The following ELL2 variants were observed in gnomAD, a reference collection of about 807,000 sequenced individuals.
The protein encoded by ELL2 is RNA polymerase II elongation factor ELL2.
ELL2 carries 21 observed loss-of-function variants against 72.8 expected under a neutral mutation model. The observed-to-expected ratio is 0.29, with a 90% confidence interval of 0.20 to 0.42. ELL2 has a LOEUF of 0.42. ELL2 is among the 10% of genes least tolerant of loss of function. The probability of loss-of-function intolerance (pLI) is 1.00; values close to 1 mark genes in which losing one functional copy is unlikely to be tolerated. For synonymous variants in ELL2, 266 were observed against 283.2 expected (o/e 0.94, Z 0.61); for missense variants, 568 against 772.8 (o/e 0.73, Z 3.14).
Position 95,895,617 on chromosome 5 carries a change from T to C in ELL2, c.1589+11A>G. On this transcript the variant is annotated intron_variant, in intron 9 of 11. Coordinates refer to ENST00000237853, the MANE Select transcript of ELL2 (RefSeq NM_012081.6). ...AAGCCGCTCTCTCCATTGGCAGACA[T>C]ATGAACTTACATCAAATAATCTGGG... is the stretch of plus-strand genomic sequence containing the variant. The C allele has an allele frequency of 1.2e-6, 2 of 1,612,644 alleles. No individual in the cohort carries two copies. Among genetic ancestry groups the C allele is most frequent in the Non-Finnish European group, 8.5e-7 (1 of 1,178,682 alleles).
At chr5:95,951,384 T>TA (rs926715508) in intron 1 of ELL2, among the ~76,000 whole-genome samples, 4 of 144,094 alleles carry the variant, frequency 2.8e-5, no homozygotes, top group African/African-American at 7.5e-5. Flanking sequence ...TAAAATAAAA[T>TA]AAATAAATAA....
intron 1 of ELL2, among the ~76,000 whole-genome samples, chr5:95,947,145 T>C (rs963672926): frequency 6.6e-6 from 1 of 152,168 alleles, no homozygotes; most frequent in Non-Finnish European, 1.5e-5. Context: ...TCCTGATTGT[T>C]ATGATACAGG....
chr5:95,899,983 G>T (rs968859429), intron 7 of ELL2, among the ~76,000 whole-genome samples: 1 of 152,008 alleles, frequency 6.6e-6, no homozygotes, highest in African/African-American at 2.4e-5. Context: ...CTAATTCTTG[G>T]GAGTAAGGTC....
intron 2 of ELL2, among the ~76,000 whole-genome samples, chr5:95,936,612 G>C (rs1413836314): frequency 1.3e-5 from 2 of 152,096 alleles, no homozygotes; most frequent in Non-Finnish European, 2.9e-5. Context: ...GGGAGACCGT[G>C]TCTCTTCAAA....
At chr5:95,926,557 C>T (rs1750287498) in intron 2 of ELL2, among the ~76,000 whole-genome samples, 1 of 152,094 alleles carries the variant, frequency 6.6e-6, no homozygotes, top group Non-Finnish European at 1.5e-5. Flanking sequence ...TCCTCTTTAG[C>T]AAGATGTATA....
chr5:95,927,458 C>CAT, intron 2 of ELL2, among the ~76,000 whole-genome samples: 1 of 41,972 alleles, frequency 2.4e-5, no homozygotes, highest in Non-Finnish European at 3.9e-5. Context: ...CATACACACA[C>CAT]ACGTGTGTAT....
intron 2 of ELL2, among the ~76,000 whole-genome samples, chr5:95,922,291 T>C (rs930917293): frequency 6.6e-6 from 1 of 152,234 alleles, no homozygotes; most frequent in Non-Finnish European, 1.5e-5. Flanking sequence ...CTTGATCTCC[T>C]GACCTCGTGA....
At chr5:95,917,724 C>G (rs908868740) in intron 3 of ELL2, among the ~76,000 whole-genome samples, 3 of 150,406 alleles carry the variant, frequency 2.0e-5, no homozygotes, top group Admixed American at 6.6e-5. Flanking sequence ...CTTACTGCAT[C>G]ATACATAGTT....
rs1303495911 is a variant in ELL2 at position 95,961,603 on chromosome 5, C to G, written c.119G>C (p.Arg40Pro). ...LHVKLTETAIRALETYQSHKN... is the reference protein window; with the variant it reads ...LHVKLTETAIPALETYQSHKN... ...GTGGCTCTGGTAAGTCTCGAGCGCC[C>G]GGATCGCCGTCTCGGTGAGCTTCAC... Residue 40 changes from arginine to proline, a missense_variant, in exon 1 of 12, where the codon CGG (arginine) becomes CCG (proline). Physicochemically the swap from Arg to Pro is moderately radical, Grantham distance 103. Transcript: ENST00000237853. 1 of 1,605,552 alleles carries G rather than the reference C, an allele frequency of 6.2e-7. No individual in the cohort carries two copies. The highest frequency in any genetic ancestry group is 8.5e-7 in the Non-Finnish European group (1 of 1,176,952).
chr5:95,889,174 T>C (rs763414952), intron 10 of ELL2, 44 bp from the exon 11 acceptor site: 2 of 1,462,608 alleles, frequency 1.4e-6, no homozygotes, highest in Non-Finnish European at 9.5e-7. Context: ...CAACTTCTTT[T>C]GTGTGTGGCA....
At chr5:95,924,860 A>G (rs572625622) in intron 2 of ELL2, among the ~76,000 whole-genome samples, 2 of 152,348 alleles carry the variant, frequency 1.3e-5, no homozygotes, top group Admixed American at 6.5e-5. Context: ...CTGGGATACA[A>G]GCTCAGGCAT....
In ELL2 at chr5:95,895,689, C is replaced by T; in HGVS notation, c.1528G>A (p.Val510Ile). 1.9e-6 allele frequency: 3 copies of T among 1,613,798 alleles called. No homozygotes were observed. Among genetic ancestry groups the T allele is most frequent in the Non-Finnish European group, 2.5e-6 (3 of 1,179,824 alleles). Residue 510 changes from valine (V) to isoleucine (I), a missense_variant and splice_region_variant, in exon 9 of 12, where the codon GTT becomes ATT. Physicochemically the swap from Val to Ile is conservative, Grantham distance 29. This residue lies in a region of ELL2 where 511 missense variants were observed against 728.4 expected (regional missense o/e 0.70). Transcript: ENST00000237853. ...ATGGAGGCAGTGCAATCCTCTTTAA[C>T]TCCTATGAAGAAAAAAAACAAAATC... ...NNSSPNSSGGVKEDCTASMEP... is the reference protein window; with the variant it reads ...NNSSPNSSGGIKEDCTASMEP...
At chr5:95,914,037 G>GCAAT (rs1749698201) in intron 3 of ELL2, 103 bp from the exon 4 acceptor site, 2 of 1,041,472 alleles carry the variant, frequency 1.9e-6, no homozygotes, top group Admixed American at 3.0e-5. Context: ...AACTAAGTTT[G>GCAAT]CAATCCTAAA....
chr5:95,898,680 C>T lies in ELL2; in HGVS notation c.1085G>A (p.Gly362Asp). The T allele has an allele frequency of 1.2e-6, 2 of 1,612,872 alleles. No individual in the cohort carries two copies. The highest frequency in any genetic ancestry group is 1.7e-6 in the Non-Finnish European group (2 of 1,179,342). Residue 362 changes from glycine (G) to aspartate (D), a missense_variant, in exon 8 of 12, where the codon GGC (glycine) becomes GAC (aspartate). By Grantham distance (94) the Gly-to-Asp change is moderately conservative (BLOSUM62 -1). Coordinates refer to ENST00000237853, the MANE Select transcript of ELL2 (RefSeq NM_012081.6). ...AGCAGCCGCAGGGGGCAGCGGGAGG[C>T]CTGCAGCAGATTTTTCACTGGTGGG... ...LNPTSEKSAA[G>D]LPLPPAAAAI...
intron 1 of ELL2, among the ~76,000 whole-genome samples, chr5:95,960,597 T>C (rs1751797374): frequency 6.6e-6 from 1 of 151,820 alleles, no homozygotes; most frequent in Non-Finnish European, 1.5e-5. Flanking sequence ...CCGGGATGCA[T>C]TGTATCCTCC....
At chr5:95,924,161 A>T (rs928465272) in intron 2 of ELL2, among the ~76,000 whole-genome samples, 4 of 152,166 alleles carry the variant, frequency 2.6e-5, no homozygotes, top group African/African-American at 9.7e-5. Context: ...ATTCAGGCAG[A>T]GTTTCAGAGG....
At chr5:95,915,069 T>A (rs1049728433) in intron 3 of ELL2, among the ~76,000 whole-genome samples, 1 of 152,162 alleles carries the variant, frequency 6.6e-6, no homozygotes, top group African/African-American at 2.4e-5. Context: ...CCAAACTTAA[T>A]TAGAAGTAAC....
chr5:95,931,796 T>TAAA (rs368583353), intron 2 of ELL2, among the ~76,000 whole-genome samples: 1,533 of 72,460 alleles, frequency 0.021, 245 homozygotes, highest in African/African-American at 0.089. Context: ...GCCCTATCCA[T>TAAA]AAAAAAAAAA....
intron 2 of ELL2, among the ~76,000 whole-genome samples, chr5:95,933,563 A>C (rs1418471780): frequency 6.6e-6 from 1 of 152,142 alleles, no homozygotes; most frequent in Non-Finnish European, 1.5e-5. Context: ...AGTGTGAGCA[A>C]GAAGAAAAGA....
Sources: gnomAD v4.1 joint callset for allele counts (sites outside exome capture counted in the v4.1 genomes callset) on GRCh38, gnomAD v4.1.1 for gene constraint, gnomAD v4.1.1 regional missense constraint, MANE v1.5 for transcripts, NCBI Gene and HGNC (gene_info 2026-07-23, HGNC 2026-07-21) for gene names.